The following PARD3B variants were observed in gnomAD, a reference collection of about 807,000 sequenced individuals.
PARD3B encodes the protein partitioning defective 3 homolog B.
PARD3B carries 103 observed loss-of-function variants against 130.2 expected under a neutral mutation model. That is an observed-to-expected ratio of 0.79 (90% CI 0.67 to 0.93). PARD3B has a LOEUF of 0.93. Ranked by LOEUF, PARD3B falls within the 40% of genes least tolerant of loss-of-function variation. The pLI is 0.00. For synonymous variants in PARD3B, 583 were observed against 553.2 expected, an observed-to-expected ratio of 1.05 and a Z score of -0.76; for missense variants, 1,609 against 1,499.2, an observed-to-expected ratio of 1.07 and a Z score of -1.21.
In PARD3B at chr2:205,491,409, G is replaced by C. The variant is rs140672480; in HGVS notation, c.3045-8487G>C. On this transcript the variant is annotated intron_variant, in intron 20 of 22. Transcript: ENST00000406610. ...TTTTTGTCAGGTTTGTGAAAGATCA[G>C]ATGGTTGTAGATATGCAGCATTATT... Among the ~76,000 whole-genome samples the C allele has an allele frequency of 1.7e-3, 263 of 152,268 alleles. 1 individual carries two copies. Among genetic ancestry groups the C allele is most frequent in the African/African-American group, 6.2e-3 (257 of 41,550 alleles).
intron 22 of PARD3B, among the ~76,000 whole-genome samples, chr2:205,594,975 G>A (rs1265445715): frequency 6.6e-6 from 1 of 152,160 alleles, no homozygotes; most frequent in Non-Finnish European, 1.5e-5. Context: ...TTCGAACTCA[G>A]AAAATATTGA....
At chr2:204,833,293 C>G (rs2043898724) in intron 2 of PARD3B, among the ~76,000 whole-genome samples, 1 of 152,062 alleles carries the variant, frequency 6.6e-6, no homozygotes, top group African/African-American at 2.4e-5. Context: ...CTTTGTTTTT[C>G]TCACACCATT....
chr2:205,326,021 TTTG>T (rs1450554034), intron 18 of PARD3B, among the ~76,000 whole-genome samples: 1 of 152,202 alleles, frequency 6.6e-6, no homozygotes, highest in Non-Finnish European at 1.5e-5. Flanking sequence ...AACTGCCTAA[TTTG>T]TTAATTTGCA....
intron 3 of PARD3B, among the ~76,000 whole-genome samples, chr2:205,001,232 G>T (rs1244117546): frequency 6.6e-6 from 1 of 152,098 alleles, no homozygotes; most frequent in Non-Finnish European, 1.5e-5. Context: ...CAGGTGATCT[G>T]CTCACCTCGG....
At chr2:204,869,303 C>G (rs2045545228) in intron 2 of PARD3B, among the ~76,000 whole-genome samples, 1 of 151,988 alleles carries the variant, frequency 6.6e-6, no homozygotes, top group South Asian at 2.1e-4. Context: ...GGAGTGGGGC[C>G]CAGGACTGTT....
chr2:204,577,414 G>A (rs572308149), intron 1 of PARD3B, among the ~76,000 whole-genome samples: 6 of 152,196 alleles, frequency 3.9e-5, no homozygotes, highest in Non-Finnish European at 8.8e-5. Context: ...TGGTCACCCA[G>A]CTGGCAATCG....
intron 18 of PARD3B, among the ~76,000 whole-genome samples, chr2:205,359,284 G>C (rs2044304491): frequency 6.6e-6 from 1 of 152,022 alleles, no homozygotes; most frequent in Non-Finnish European, 1.5e-5. Context: ...GTACAACTTT[G>C]GAAAATCACT....
At chr2:204,585,754 G>A (rs1030777641) in intron 1 of PARD3B, among the ~76,000 whole-genome samples, 3 of 151,754 alleles carry the variant, frequency 2.0e-5, no homozygotes, top group Admixed American at 6.6e-5. Context: ...TTTCTGTGAC[G>A]ATTCACCTCT....
intron 2 of PARD3B, among the ~76,000 whole-genome samples, chr2:204,913,244 C>T (rs965650092): frequency 6.6e-6 from 1 of 152,062 alleles, no homozygotes; most frequent in African/African-American, 2.4e-5. Context: ...TGTTGTATCC[C>T]TCAAATGTAT....
At chr2:205,376,864 A>G (rs759674816) in intron 18 of PARD3B, among the ~76,000 whole-genome samples, 1 of 152,294 alleles carries the variant, frequency 6.6e-6, no homozygotes, top group South Asian at 2.1e-4. Context: ...GAAAGAAAGT[A>G]CATGGGTAGA....
intron 1 of PARD3B, among the ~76,000 whole-genome samples, chr2:204,662,272 G>A (rs1297198972): frequency 6.6e-6 from 1 of 152,164 alleles, no homozygotes; most frequent in Non-Finnish European, 1.5e-5. Context: ...AGGTTCTTCA[G>A]TACTGGGAAG....
At chr2:205,436,930 C>G (rs1311934037) in intron 19 of PARD3B, among the ~76,000 whole-genome samples, 1 of 151,782 alleles carries the variant, frequency 6.6e-6, no homozygotes, top group African/African-American at 2.4e-5. Flanking sequence ...AGGTGGGAGA[C>G]CTGCTCAGGG....
intron 1 of PARD3B, among the ~76,000 whole-genome samples, chr2:204,671,082 G>T (rs778387342): frequency 1.3e-5 from 2 of 152,098 alleles, no homozygotes; most frequent in Non-Finnish European, 2.9e-5. Context: ...TCTCTTGTGT[G>T]TTGGGTCCTC....
chr2:205,460,430 TG>T lies in PARD3B; in HGVS notation c.3044+19759del, dbSNP rs2048413270. On this transcript the variant is annotated intron_variant, in intron 20 of 22. Coordinates refer to ENST00000406610, the MANE Select transcript of PARD3B (RefSeq NM_001302769.2). This position sits in a 1 kb window ranked among gnomAD's most constrained non-coding sequence, Gnocchi z 4.9. ...ATGATGATGATGATGATGATGATGA[TG>T]ATGATAGTCAATAGTAGTATTTATT... Among the ~76,000 whole-genome samples the T allele has an allele frequency of 6.6e-6, 1 of 151,724 alleles. No homozygotes were observed. Among genetic ancestry groups the T allele is most frequent in the Admixed American group, 6.6e-5 (1 of 15,214 alleles).
intron 3 of PARD3B, among the ~76,000 whole-genome samples, chr2:205,033,102 G>A (rs913901965): frequency 6.6e-6 from 1 of 152,080 alleles, no homozygotes; most frequent in African/African-American, 2.4e-5. Context: ...TAAAATTTAG[G>A]ATAAGAGAAT....
At chr2:204,868,435 G>T (rs1235746278) in intron 2 of PARD3B, among the ~76,000 whole-genome samples, 1 of 152,028 alleles carries the variant, frequency 6.6e-6, no homozygotes, top group African/African-American at 2.4e-5. Flanking sequence ...ATAGTAGAAG[G>T]ATGTTGTACA....
At chr2:204,639,774 C>G (rs1282268602) in intron 1 of PARD3B, among the ~76,000 whole-genome samples, 1 of 152,156 alleles carries the variant, frequency 6.6e-6, no homozygotes, top group Non-Finnish European at 1.5e-5. Flanking sequence ...ATAATTAATT[C>G]TGTCAATGAC....
intron 2 of PARD3B, among the ~76,000 whole-genome samples, chr2:204,823,295 A>C (rs925729066): frequency 6.6e-6 from 1 of 152,106 alleles, no homozygotes; most frequent in Non-Finnish European, 1.5e-5. Flanking sequence ...TATATATTAC[A>C]TGTACTATTA....
chr2:204,786,274 T>A (rs1361983080), intron 2 of PARD3B, among the ~76,000 whole-genome samples: 1 of 152,186 alleles, frequency 6.6e-6, no homozygotes, highest in Non-Finnish European at 1.5e-5. Flanking sequence ...TATGGGATTT[T>A]ACATTCAGGA....
Sources: allele counts gnomAD v4.1 joint callset (sites outside exome capture counted in the v4.1 genomes callset), GRCh38; gene constraint gnomAD v4.1.1; non-coding constraint Gnocchi (gnomAD v3.1); transcripts MANE v1.5; gene names NCBI Gene and HGNC (gene_info 2026-07-23, HGNC 2026-07-21).